CNTNAP5: variants seen among roughly 807,000 people sequenced by gnomAD.
The protein encoded by CNTNAP5 is contactin associated protein family member 5, also known as contactin-associated protein-like 5.
In CNTNAP5, 72 loss-of-function variants were observed where a neutral mutation model predicts 150.2. That is an observed-to-expected ratio of 0.48 (90% confidence interval 0.40 to 0.58). CNTNAP5 has a LOEUF of 0.58. Among genes scored for constraint, CNTNAP5 ranks in the 20% least tolerant of loss-of-function variants. The probability of loss-of-function intolerance (pLI) is 0.00; values close to 1 mark genes in which losing one functional copy is unlikely to be tolerated. For synonymous variants in CNTNAP5, 672 were observed against 619.8 expected, an observed-to-expected ratio of 1.08 and a Z score of -1.25; for missense variants, 1,636 against 1,626.2, an observed-to-expected ratio of 1.01 and a Z score of -0.10.
intron 3 of CNTNAP5, among the ~76,000 whole-genome samples, chr2:124,329,090 C>T (rs2565748): frequency 0.51 from 78,207 of 151,946 alleles, 21,489 homozygotes; most frequent in African/African-American, 0.69. Context: ...CAAAGAGCAA[C>T]ATTTTGTAAC....
intron 8 of CNTNAP5, among the ~76,000 whole-genome samples, chr2:124,510,884 G>T (rs377083194): frequency 5.5e-4 from 84 of 152,152 alleles, no homozygotes; most frequent in African/African-American, 1.9e-3. Context: ...ATCCATTTAG[G>T]CAATTCTCCA....
intron 12 of CNTNAP5, among the ~76,000 whole-genome samples, chr2:124,623,624 G>A (rs548648938): frequency 2.6e-5 from 4 of 152,304 alleles, no homozygotes; most frequent in African/African-American, 9.6e-5. Context: ...TGTAAACAAT[G>A]TCAGAAAGTG....
rs764158287 is a variant in CNTNAP5 at position 124,869,712 on chromosome 2, C to G, written c.3386C>G (p.Pro1129Arg). Residue 1129 changes from proline to arginine, a missense_variant, in exon 21 of 24, where the codon CCG becomes CGG. Coordinates refer to ENST00000682447, the MANE Select transcript of CNTNAP5 (RefSeq NM_001367498.1). ...CTTCGACTCAGTTATAACTTCTCTC[C>G]GGAAGTAGAGTTCAGGGTTATAAGG... is the stretch of plus-strand genomic sequence containing the variant. ...QQLRLSYNFS[P>R]EVEFRVIRSL... is the part of the protein sequence containing the mutation. 1 of 1,611,568 alleles carries G rather than the reference C, an allele frequency of 6.2e-7. No homozygotes were observed. The highest frequency in any genetic ancestry group is 1.7e-5 in the Admixed American group (1 of 59,854).
chr2:124,492,347 C>T (rs1436316945), intron 7 of CNTNAP5, among the ~76,000 whole-genome samples: 1 of 152,136 alleles, frequency 6.6e-6, no homozygotes, highest in Non-Finnish European at 1.5e-5. Flanking sequence ...ATCCACTTTT[C>T]TCAACACCAC....
At chr2:124,866,344 G>A (rs1206159708) in intron 20 of CNTNAP5, among the ~76,000 whole-genome samples, 1 of 152,186 alleles carries the variant, frequency 6.6e-6, no homozygotes, top group Non-Finnish European at 1.5e-5. Flanking sequence ...AAGGGGGAAA[G>A]CAGCAGGTGA....
chr2:124,561,460 T>A (rs554212990), intron 10 of CNTNAP5, among the ~76,000 whole-genome samples: 3 of 152,104 alleles, frequency 2.0e-5, no homozygotes, highest in African/African-American at 7.2e-5. Flanking sequence ...GCCTCTGCTG[T>A]CCACCAAGAC....
At chr2:124,557,874 C>T (rs1306798309) in intron 10 of CNTNAP5, among the ~76,000 whole-genome samples, 1 of 151,962 alleles carries the variant, frequency 6.6e-6, no homozygotes, top group Non-Finnish European at 1.5e-5. Flanking sequence ...GTGCAAGAAC[C>T]CTGACAAGGT....
At chr2:124,730,802 T>A (rs922497305) in intron 13 of CNTNAP5, among the ~76,000 whole-genome samples, 1 of 152,060 alleles carries the variant, frequency 6.6e-6, no homozygotes, top group African/African-American at 2.4e-5. Context: ...AGGCAAGAAA[T>A]CCATAGCCTT....
intron 11 of CNTNAP5, among the ~76,000 whole-genome samples, chr2:124,569,072 T>A (rs1163936573): frequency 6.6e-6 from 1 of 151,966 alleles, no homozygotes; most frequent in Non-Finnish European, 1.5e-5. Flanking sequence ...TATATATATA[T>A]CTTTTTTCTA....
chr2:124,524,400 T>C lies in CNTNAP5; in HGVS notation c.1425T>C (p.Ala475=). ...TGGATGATGAAGCAGCACCCCCGGC[T>C]CCAGACAGCACTTGGGTGCAGATTT... ...LTLDDEAAPP[A]PDSTWVQIYS... The change falls in exon 9 of 24, where the codon GCT becomes GCC. Residue 475 remains alanine, a synonymous_variant. Coordinates refer to ENST00000682447, the MANE Select transcript of CNTNAP5 (RefSeq NM_001367498.1). 5.6e-6 allele frequency: 9 copies of C among 1,613,770 alleles called. No homozygotes were observed. The highest frequency in any genetic ancestry group is 7.6e-6 in the Non-Finnish European group (9 of 1,179,810).
rs546898698 is a variant in CNTNAP5, at chr2:124,666,766, C to T, written c.2077+18808C>T. On this transcript the variant is annotated intron_variant, in intron 13 of 23. Transcript: ENST00000682447. Reference sequence around the variant, plus strand: ...CTGGCCAGTGAGGGCCATCACCTCACTCTGCAAGTGCCCATGGCTGCAAGT... The same window carrying T: ...CTGGCCAGTGAGGGCCATCACCTCATTCTGCAAGTGCCCATGGCTGCAAGT... Among the ~76,000 whole-genome samples the T allele has an allele frequency of 4.6e-5, 7 of 152,324 alleles. No homozygotes were observed. The East Asian group carries it at 1.4e-3, about 29-fold the overall frequency.
chr2:124,536,405 A>G (rs1695232260), intron 10 of CNTNAP5, among the ~76,000 whole-genome samples: 2 of 152,174 alleles, frequency 1.3e-5, no homozygotes, highest in Middle Eastern at 3.4e-3. Flanking sequence ...CAGCAACCCA[A>G]TTCTACTAGA....
At chr2:124,263,929 GT>G (rs1220277519) in intron 3 of CNTNAP5, among the ~76,000 whole-genome samples, 21 of 152,008 alleles carry the variant, frequency 1.4e-4, no homozygotes, top group Non-Finnish European at 2.8e-4. Context: ...TCTTGTTTTT[GT>G]CAGGTTTGTC....
chr2:124,084,924 G>GTTTTGTTTTTTTTTTTTTTTT (rs1553435818), intron 1 of CNTNAP5, among the ~76,000 whole-genome samples: 1 of 89,980 alleles, frequency 1.1e-5, no homozygotes, highest in Non-Finnish European at 2.0e-5. Context: ...CAAGTTTCCT[G>GTTTTGTTTTTTTTTTTTTTTT]TTTTTTTTTT....
intron 19 of CNTNAP5, among the ~76,000 whole-genome samples, chr2:124,812,908 T>A (rs578034091): frequency 2.0e-5 from 3 of 152,094 alleles, no homozygotes; most frequent in Non-Finnish European, 4.4e-5. Context: ...TCAGAATAAA[T>A]CTCTTCAAAT....
At chr2:124,273,616 A>G (rs1253217648) in intron 3 of CNTNAP5, among the ~76,000 whole-genome samples, 1 of 152,182 alleles carries the variant, frequency 6.6e-6, no homozygotes, top group Non-Finnish European at 1.5e-5. Context: ...AACCCTGGAA[A>G]GGAACAAAGG....
chr2:124,578,551 A>G lies in CNTNAP5; in HGVS notation c.1756+15228A>G, dbSNP rs1359766406. On this transcript the variant is annotated intron_variant, in intron 11 of 23. Transcript: ENST00000682447. ...CTTCAGAAGGCCGAGGCGGTGGATCACTTGAGCTCAGGAGTTTGAGACCAG... is the reference window on the plus strand; with the variant it reads ...CTTCAGAAGGCCGAGGCGGTGGATCGCTTGAGCTCAGGAGTTTGAGACCAG... 2.6e-5 allele frequency among the ~76,000 whole-genome samples: 4 copies of G among 152,090 alleles called. No homozygotes were observed. The East Asian group carries it at 7.8e-4, about 29-fold the overall frequency.
chr2:124,570,306 T>G (rs1383145972), intron 11 of CNTNAP5, among the ~76,000 whole-genome samples: 2 of 152,106 alleles, frequency 1.3e-5, no homozygotes, highest in African/African-American at 4.8e-5. Flanking sequence ...AGCAGAGATT[T>G]GAGGGATGAG....
rs1046132248 is a variant in CNTNAP5, at chr2:124,702,755, A to G, written c.2078-44474A>G. 2.0e-5 allele frequency among the ~76,000 whole-genome samples: 3 copies of G among 152,142 alleles called. No homozygotes were observed. In the East Asian group the frequency reaches 5.8e-4, roughly 29 times the overall value. On this transcript the variant is annotated intron_variant, in intron 13 of 23. Transcript: ENST00000682447. ...ATGTAAAAGTAGCTATTAAAAAGAT[A>G]CAACTGAATTTAAGATGATTGTCAA...
Sources: gnomAD v4.1 joint callset for allele counts (sites outside exome capture counted in the v4.1 genomes callset) on GRCh38, gnomAD v4.1.1 for gene constraint, MANE v1.5 for transcripts, NCBI Gene and HGNC (gene_info 2026-07-23, HGNC 2026-07-21) for gene names.